Variants in ZNF528 observed in about 807,000 individuals in gnomAD.
ZNF528 encodes the protein zinc finger protein 528.
In ZNF528, 9 loss-of-function variants were observed where a neutral mutation model predicts 13.3. The observed-to-expected ratio is 0.67, with a 90% CI of 0.41 to 1.18. ZNF528 has a LOEUF of 1.18. Ranked by LOEUF, ZNF528 falls within the 50% of genes most tolerant of loss-of-function variation. The pLI is 0.01. For synonymous variants in ZNF528, 264 were observed against 254.3 expected (o/e 1.04, Z -0.36); for missense variants, 858 against 745.4 (o/e 1.15, Z -1.76).
intron 6 of ZNF528, chr19:52,414,062 T>TA (rs1364944733): frequency 1.6e-6 from 1 of 610,406 alleles, no homozygotes; most frequent in Admixed American, 2.6e-5. Context: ...TGCCCCACGT[T>TA]ACCCTGATTC....
chr19:52,408,102 T>C (rs746502576), intron 6 of ZNF528: 4 of 152,188 alleles, frequency 2.6e-5, no homozygotes, highest in Non-Finnish European at 4.4e-5. Flanking sequence ...CTGTTATTAC[T>C]GGCAGAAATT....
chr19:52,397,975 G>C (rs2058749598), intron 1 of ZNF528, 71 bp downstream of exon 1: 1 of 152,230 alleles, frequency 6.6e-6, no homozygotes, highest in Non-Finnish European at 1.5e-5. Context: ...CGGGAGCTGA[G>C]GGGCATGCAG....
Position 52,414,832 on chromosome 19 carries a change from C to T in ZNF528, c.272-292C>T, listed in dbSNP as rs1047189074. 6.1e-6 allele frequency: 5 copies of T among 814,716 alleles called. No homozygotes were observed. The African/African-American group carries it at 6.9e-5, about 11-fold the overall frequency. The allele number at this position is 814,716 out of a possible 1,614,324, so 50.5% of individuals were successfully genotyped here. ...CAGCTCTTCTTGGATTTCTGATTTT[C>T]CCTAAGAGGCTCATCCCTGCTTCTT... On this transcript the variant is annotated intron_variant, in intron 6 of 6. Coordinates refer to ENST00000360465, the MANE Select transcript of ZNF528 (RefSeq NM_032423.3).
Position 52,415,275 on chromosome 19 carries a change from C to G in ZNF528, c.423C>G (p.Asp141Glu), listed in dbSNP as rs1161068568. The G allele has an allele frequency of 6.2e-7, 1 of 1,613,850 alleles. No homozygotes were observed. Among genetic ancestry groups the G allele is most frequent in the African/African-American group, 1.3e-5 (1 of 74,922 alleles). The change falls in exon 7 of 7, where the codon GAC (aspartate) becomes GAG (glutamate). Residue 141 changes from aspartate (D) to glutamate (E), a missense_variant. Coordinates refer to ENST00000360465, the MANE Select transcript of ZNF528 (RefSeq NM_032423.3). Reference sequence around the variant, plus strand: ...AGCATTTTGAAAAACCCGTCAGTGACAATTCCTCAGTTTCACCGCTTGAAA... The same window carrying G: ...AGCATTTTGAAAAACCCGTCAGTGAGAATTCCTCAGTTTCACCGCTTGAAA... ...GCKHFEKPVS[D>E]NSSVSPLEKI...
chr19:52,414,460 A>G, intron 6 of ZNF528: 1 of 591,934 alleles, frequency 1.7e-6, no homozygotes, highest in Non-Finnish European at 3.0e-6. Context: ...GGTAAAGGAG[A>G]TGGTGGCAGG....
chr19:52,401,592 T>C (rs1408329105), intron 2 of ZNF528, 93 bp from the exon 3 acceptor site: 2 of 1,098,596 alleles, frequency 1.8e-6, no homozygotes, highest in Non-Finnish European at 2.4e-6. Context: ...GAGCGTTTTG[T>C]ATTTTTAAAA....
chr19:52,407,396 T>C (rs1369492384), intron 6 of ZNF528, among the ~76,000 whole-genome samples: 1 of 152,154 alleles, frequency 6.6e-6, no homozygotes, highest in African/African-American at 2.4e-5. Flanking sequence ...TGCCTCAGCT[T>C]CCCAAAGTGT....
At chr19:52,400,093 G>T (rs1028241105) in intron 2 of ZNF528, among the ~76,000 whole-genome samples, 5 of 152,062 alleles carry the variant, frequency 3.3e-5, no homozygotes, top group African/African-American at 1.2e-4. Context: ...TGCTGATGCT[G>T]AGACTGTGTG....
At chr19:52,400,193 G>A (rs1178801219) in intron 2 of ZNF528, among the ~76,000 whole-genome samples, 2 of 148,428 alleles carry the variant, frequency 1.3e-5, no homozygotes, top group African/African-American at 5.1e-5. Flanking sequence ...AATTATTTTG[G>A]TCAGCATACC....
chr19:52,398,387 G>C lies in ZNF528; in HGVS notation c.-369G>C, dbSNP rs2058754452. 1 of 166,274 alleles carries C rather than the reference G, an allele frequency of 6.0e-6. No homozygotes were observed. The highest frequency in any genetic ancestry group is 2.0e-4 in the South Asian group (1 of 5,088). The allele number at this position is 166,274 out of a possible 1,614,324, so 10.3% of individuals were successfully genotyped here. A position where few individuals can be genotyped will look rare whatever the true frequency, so the allele number is the denominator to read the frequency against. On this transcript the variant is annotated 5_prime_UTR_variant, in exon 2 of 7. Transcript: ENST00000360465. ...CCCAGGCCTCCCTTTTCCAGCCACC[G>C]GTTCTCCTGACCCCGAGTGTGGGGG...
Position 52,417,213 on chromosome 19 carries a change from C to T in ZNF528, c.*474C>T, listed in dbSNP as rs2059014834. The T allele has an allele frequency of 3.4e-5, 10 of 294,584 alleles. No homozygotes were observed. The highest frequency in any genetic ancestry group is 2.9e-4 in the South Asian group (9 of 31,486). The allele number at this position is 294,584 out of a possible 1,614,324, so 18.2% of individuals were successfully genotyped here. On this transcript the variant is annotated 3_prime_UTR_variant, in exon 7 of 7. Transcript: ENST00000360465. ...TCTTTTCATGTGCCTTCCATACAGG[C>T]CATTCACTGTGGTCCCTGGGAAAGA...
At chr19:52,402,605 G>A (rs2122516632) in intron 4 of ZNF528, 1 of 152,936 alleles carries the variant, frequency 6.5e-6, no homozygotes, top group East Asian at 1.9e-4. Context: ...GTTTCGCCAT[G>A]TTGGCCAGGT....
At chr19:52,408,931 G>C (rs1041510389) in intron 6 of ZNF528, among the ~76,000 whole-genome samples, 5 of 152,074 alleles carry the variant, frequency 3.3e-5, no homozygotes, top group African/African-American at 1.2e-4. Flanking sequence ...ATTTCATCTT[G>C]AATGCTCGTT....
chr19:52,408,755 C>T (rs542460220), intron 6 of ZNF528, among the ~76,000 whole-genome samples: 3 of 152,040 alleles, frequency 2.0e-5, no homozygotes, highest in South Asian at 2.1e-4. Flanking sequence ...TTAGGAGAAA[C>T]GGGGTTTCAC....
At position 52,416,531 on chromosome 19, in the gene ZNF528, G is replaced by A. The variant is rs144236380; in HGVS notation, c.1679G>A (p.Gly560Glu). 3.2e-5 allele frequency: 51 copies of A among 1,613,640 alleles called. No individual in the cohort carries two copies. In the African/African-American group the frequency reaches 6.5e-4, roughly 21 times the overall value. Residue 560 changes from glycine (G) to glutamate (E), a missense_variant, in exon 7 of 7, where the codon GGG becomes GAG. Gly to Glu is a moderately conservative substitution (Grantham distance 98). Transcript: ENST00000360465. ...RCSKCGKAFR[G>E]CSGLTAHLAI... ...AGTAAATGTGGCAAAGCATTTCGAGGGTGTTCAGGCCTTACTGCCCATCTT... is the reference window on the plus strand; with the variant it reads ...AGTAAATGTGGCAAAGCATTTCGAGAGTGTTCAGGCCTTACTGCCCATCTT...
At chr19:52,403,201 T>C (rs918971700) in intron 4 of ZNF528, among the ~76,000 whole-genome samples, 4 of 152,192 alleles carry the variant, frequency 2.6e-5, no homozygotes, top group Non-Finnish European at 5.9e-5. Flanking sequence ...GGCACAATGG[T>C]GCATGCCTTT....
At chr19:52,404,135 C>T (rs114031060) in intron 4 of ZNF528, among the ~76,000 whole-genome samples, 67 of 152,330 alleles carry the variant, frequency 4.4e-4, no homozygotes, top group African/African-American at 1.6e-3. Flanking sequence ...CATGCTTACA[C>T]TGCCATTGTT....
intron 6 of ZNF528, among the ~76,000 whole-genome samples, chr19:52,407,867 C>T (rs1044948088): frequency 1.1e-4 from 16 of 152,028 alleles, no homozygotes; most frequent in African/African-American, 3.9e-4. Context: ...CATGCACCAC[C>T]ACGCCTGGCT....
At position 52,415,539 on chromosome 19, in the gene ZNF528, G is replaced by A. The variant is rs898786089; in HGVS notation, c.687G>A (p.Val229=). The A allele has an allele frequency of 3.7e-6, 6 of 1,613,836 alleles. No homozygotes were observed. The African/African-American group carries it at 6.7e-5, about 18-fold the overall frequency. ...GKVFSCSSKL[V]IHRRMHTGEK... is the part of the protein sequence containing the mutation. ...TCTTTAGTTGCAGTTCAAAGCTTGT[G>A]ATACATCGAAGAATGCATACTGGAG... The change falls in exon 7 of 7, where the codon GTG becomes GTA. Residue 229 remains valine (V), a synonymous_variant. Transcript: ENST00000360465.
Sources: gnomAD v4.1 joint callset for allele counts (sites outside exome capture counted in the v4.1 genomes callset) on GRCh38, gnomAD v4.1.1 for gene constraint, MANE v1.5 for transcripts, NCBI Gene and HGNC (gene_info 2026-07-23, HGNC 2026-07-21) for gene names.